The following LMBRD1 variants were observed in gnomAD, a reference collection of about 807,000 sequenced individuals.
The protein encoded by LMBRD1 is lysosomal cobalamin transport escort protein LMBD1.
LMBRD1 carries 64 observed loss-of-function variants against 74.8 expected under a neutral mutation model. The ratio of observed to expected loss-of-function variants is 0.86; its 90% CI spans 0.70 to 1.05. The LOEUF is 1.05. LMBRD1 is among the 50% of genes least tolerant of loss of function. LMBRD1 has a pLI of 0.00. For missense variants in LMBRD1, 652 were observed against 645.9 expected (o/e 1.01, Z -0.10); for synonymous variants, 204 against 216.3 (o/e 0.94, Z 0.50).
rs774156278 is a variant in LMBRD1 at position 69,699,207 on chromosome 6, G to C, written c.1189-15C>G. The C allele has an allele frequency of 4.9e-5, 78 of 1,608,038 alleles. No homozygotes were observed. The Admixed American group carries it at 6.7e-4, about 14-fold the overall frequency. On this transcript the variant is annotated splice_polypyrimidine_tract_variant and intron_variant, in intron 12 of 15. Transcript: ENST00000649934. ...ATTTTATATAACTGGAAAGAAAAGA[G>C]TGACAAAATTTCAGCAATATATTTC...
In LMBRD1 at chr6:69,709,363, T is replaced by C. The variant is rs16868102; in HGVS notation, c.915+4282A>G. On this transcript the variant is annotated intron_variant, in intron 9 of 15. Coordinates refer to ENST00000649934, the MANE Select transcript of LMBRD1 (RefSeq NM_018368.4). ...TATCTCATTTAAGGAAAAAAAGCAG[T>C]GTTTATCTCCTCATAATACACATTA... Among the ~76,000 whole-genome samples, 1,070 of 152,214 alleles carry C rather than the reference T, an allele frequency of 7.0e-3. 23 individuals carry two copies. In the East Asian group the frequency reaches 0.079, roughly 11 times the overall value.
In LMBRD1 at chr6:69,790,383, A is replaced by G. The variant is rs1766053037; in HGVS notation, c.159T>C (p.Ser53=). 1 of 1,613,698 alleles carries G rather than the reference A, an allele frequency of 6.2e-7. No individual in the cohort carries two copies. The highest frequency in any genetic ancestry group is 1.7e-5 in the Admixed American group (1 of 60,000). ...CTGATGTGATAAGTGCAATTGCTAG[A>G]GAAAAAATTGCTGTTATGGTGGAGA... ...EVVSTITAIF[S]LAIALITSAL... Residue 53 remains serine (S), a synonymous_variant, in exon 2 of 16, where the codon TCT becomes TCC. Coordinates refer to ENST00000649934, the MANE Select transcript of LMBRD1 (RefSeq NM_018368.4).
intron 9 of LMBRD1, among the ~76,000 whole-genome samples, chr6:69,711,518 A>C (rs1444684419): frequency 6.6e-6 from 1 of 152,194 alleles, no homozygotes; most frequent in Non-Finnish European, 1.5e-5. Context: ...ATATTTATAA[A>C]AACCTAAAAA....
At chr6:69,789,338 C>T (rs1011337282) in intron 2 of LMBRD1, among the ~76,000 whole-genome samples, 1 of 152,078 alleles carries the variant, frequency 6.6e-6, no homozygotes, top group Non-Finnish European at 1.5e-5. Context: ...GCCTGGCCAA[C>T]ATGGCAAAAC....
chr6:69,701,524 T>C lies in LMBRD1; in HGVS notation c.1002A>G (p.Ser334=). Residue 334 remains serine (S), a synonymous_variant, in exon 11 of 16, where the codon TCA becomes TCG. Coordinates refer to ENST00000649934, the MANE Select transcript of LMBRD1 (RefSeq NM_018368.4). The part of the protein sequence containing the change: ...FLSNLDKALH[S]AGIDSGFIIF... ...TTATGAAACCAGAATCTATTCCAGC[T>C]GAATGAAGAGCTTTATCTAAACTAA... 6.2e-7 allele frequency: 1 copy of C among 1,602,810 alleles called. No individual in the cohort carries two copies. The highest frequency in any genetic ancestry group is 8.5e-7 in the Non-Finnish European group (1 of 1,171,634).
chr6:69,778,000 T>G (rs1348310082), intron 3 of LMBRD1, among the ~76,000 whole-genome samples: 2 of 152,254 alleles, frequency 1.3e-5, no homozygotes, highest in Non-Finnish European at 1.5e-5. Flanking sequence ...TACGGAATCC[T>G]TTCAGGGTCC....
At chr6:69,750,682 G>T (rs914708650) in intron 4 of LMBRD1, among the ~76,000 whole-genome samples, 3 of 152,098 alleles carry the variant, frequency 2.0e-5, no homozygotes, top group African/African-American at 2.4e-5. Context: ...GTGCACTTTG[G>T]AAGAAGTGAA....
In LMBRD1 at chr6:69,697,483, G is replaced by A. The variant is rs1766027814; in HGVS notation, c.1417+80C>T. 5.3e-6 allele frequency: 5 copies of A among 939,418 alleles called. No individual in the cohort carries two copies. In the South Asian group the frequency reaches 6.5e-5, roughly 12 times the overall value. The allele number at this position is 939,418 out of a possible 1,614,324, so 58.2% of individuals were successfully genotyped here. On this transcript the variant is annotated intron_variant, in intron 14 of 15. Transcript: ENST00000649934. Reference sequence around the variant, plus strand: ...CTTCTTACCACGTAGTAAAACAAATGCATCAAATGATTAACACAGCAAAAT... The same window carrying A: ...CTTCTTACCACGTAGTAAAACAAATACATCAAATGATTAACACAGCAAAAT...
chr6:69,679,571 A>G (rs1669595591), intron 14 of LMBRD1, among the ~76,000 whole-genome samples: 2 of 152,166 alleles, frequency 1.3e-5, no homozygotes, highest in Non-Finnish European at 2.9e-5. Flanking sequence ...TAAATAGCCC[A>G]TTTTCTAATT....
At chr6:69,738,131 T>C (rs545721005) in intron 6 of LMBRD1, 116 bp from the exon 7 acceptor site, 1 of 745,334 alleles carries the variant, frequency 1.3e-6, no homozygotes, top group Non-Finnish European at 2.3e-6. Flanking sequence ...TAAAAACCAA[T>C]ATGTATTACC....
At chr6:69,761,635 A>G (rs1394741960) in intron 3 of LMBRD1, among the ~76,000 whole-genome samples, 1 of 152,202 alleles carries the variant, frequency 6.6e-6, no homozygotes. Context: ...TTTCCCAACA[A>G]CTTTGATACA....
chr6:69,686,866 C>A (rs1481584496), intron 14 of LMBRD1, among the ~76,000 whole-genome samples: 2 of 152,194 alleles, frequency 1.3e-5, no homozygotes, highest in Non-Finnish European at 2.9e-5. Context: ...TAGCTACAGC[C>A]ATCCCTTAAG....
At chr6:69,780,630 G>T in intron 2 of LMBRD1, 76 bp from the exon 3 acceptor site, 2 of 1,060,458 alleles carry the variant, frequency 1.9e-6, no homozygotes, top group South Asian at 1.3e-5. Flanking sequence ...GTTTTAATAC[G>T]ACTGAATATC....
intron 14 of LMBRD1, among the ~76,000 whole-genome samples, chr6:69,685,805 C>G (rs567711108): frequency 2.6e-5 from 4 of 152,058 alleles, no homozygotes; most frequent in African/African-American, 9.6e-5. Flanking sequence ...GTCTCAAAAA[C>G]AAACAAACAA....
intron 14 of LMBRD1, among the ~76,000 whole-genome samples, chr6:69,679,075 A>C (rs981949845): frequency 1.1e-4 from 17 of 151,582 alleles, no homozygotes; most frequent in Non-Finnish European, 1.9e-4. Context: ...AACAAACAAA[A>C]AAAATCACAC....
At chr6:69,677,355 T>C (rs939002519) in intron 14 of LMBRD1, among the ~76,000 whole-genome samples, 2 of 152,156 alleles carry the variant, frequency 1.3e-5, no homozygotes, top group African/African-American at 4.8e-5. Flanking sequence ...GGTCATAGAA[T>C]TTCTTTATGG....
rs760796705 is a variant in LMBRD1 at position 69,700,806 on chromosome 6, C to A, written c.1147G>T (p.Ala383Ser). The change falls in exon 12 of 16, where the codon GCA (alanine) becomes TCA (serine). Residue 383 changes from alanine (A) to serine (S), a missense_variant. By Grantham distance (99) the Ala-to-Ser change is moderately conservative (BLOSUM62 1). This residue lies in a region of LMBRD1 where 598 missense variants were observed against 581.8 expected (regional missense o/e 1.03). Transcript: ENST00000649934. ...CATATGCCAATATTTCGAATTCCTG[C>A]CATTGAAGTAAAAATAAAGTACATA... ...IIMYFIFTSM[A>S]GIRNIGIWFF... The A allele has an allele frequency of 2.0e-6, 3 of 1,512,400 alleles. No homozygotes were observed. The highest frequency in any genetic ancestry group is 2.7e-6 in the Non-Finnish European group (3 of 1,109,714). 93.7% of individuals were successfully genotyped at this position (1,512,400 alleles called of 1,614,324 possible).
chr6:69,714,126 A>G (rs1003272624), intron 8 of LMBRD1, among the ~76,000 whole-genome samples: 3 of 152,044 alleles, frequency 2.0e-5, no homozygotes, highest in Middle Eastern at 3.2e-3. Context: ...ACTTTGCTCA[A>G]TGATTCTCCC....
intron 3 of LMBRD1, among the ~76,000 whole-genome samples, chr6:69,769,089 CT>C (rs1201944946): frequency 6.6e-6 from 1 of 152,036 alleles, no homozygotes; most frequent in Non-Finnish European, 1.5e-5. Context: ...TTTCTTCAAA[CT>C]TTTTTTCCTG....
Sources: gnomAD v4.1 joint callset for allele counts (sites outside exome capture counted in the v4.1 genomes callset) on GRCh38, gnomAD v4.1.1 for gene constraint, gnomAD v4.1.1 regional missense constraint, MANE v1.5 for transcripts, NCBI Gene and HGNC (gene_info 2026-07-23, HGNC 2026-07-21) for gene names.